The following MALT1 variants were observed in gnomAD, a reference collection of about 807,000 sequenced individuals.
The protein encoded by MALT1 is MALT1 paracaspase, also known as mucosa-associated lymphoid tissue lymphoma translocation protein 1.
Under a neutral mutation model 85.5 loss-of-function variants are expected in MALT1, and 36 were observed. That is an observed-to-expected ratio of 0.42 (90% confidence interval 0.32 to 0.56). The LOEUF (loss-of-function observed/expected upper bound fraction) is 0.56, where lower values mean the gene tolerates loss of function less well. MALT1 is among the 20% of genes least tolerant of loss of function. The pLI is 0.10. For synonymous variants in MALT1, 359 were observed against 361.3 expected (o/e 0.99, Z 0.07); for missense variants, 716 against 981.6 (o/e 0.73, Z 3.62).
intron 10 of MALT1, among the ~76,000 whole-genome samples, chr18:58,726,036 G>A (rs1228303868): frequency 6.6e-6 from 1 of 152,144 alleles, no homozygotes; most frequent in African/African-American, 2.4e-5. Context: ...ACTCCAGCCT[G>A]GGCAACAAAG....
intron 2 of MALT1, among the ~76,000 whole-genome samples, chr18:58,682,331 A>G (rs1329898204): frequency 6.6e-6 from 1 of 152,190 alleles, no homozygotes; most frequent in Admixed American, 6.5e-5. Flanking sequence ...CCCAACCCAA[A>G]TAGGCATAAT....
chr18:58,703,643 C>CA (rs1260488924), intron 4 of MALT1, among the ~76,000 whole-genome samples: 1 of 152,140 alleles, frequency 6.6e-6, no homozygotes, highest in Non-Finnish European at 1.5e-5. Context: ...TGTGAGAACT[C>CA]ACTGTCACGA....
intron 4 of MALT1, among the ~76,000 whole-genome samples, chr18:58,703,057 T>G (rs1454760997): frequency 6.6e-6 from 1 of 152,114 alleles, no homozygotes; most frequent in Non-Finnish European, 1.5e-5. Context: ...GACGTTAAGG[T>G]TGTTGAGAAA....
chr18:58,708,007 TCAC>T (rs1052656064), intron 4 of MALT1, among the ~76,000 whole-genome samples: 5 of 152,152 alleles, frequency 3.3e-5, no homozygotes, highest in Admixed American at 3.3e-4. Flanking sequence ...GCATTTTTGT[TCAC>T]CAACCCCACC....
intron 9 of MALT1, among the ~76,000 whole-genome samples, chr18:58,722,025 G>A (rs906994711): frequency 1.3e-4 from 19 of 151,972 alleles, no homozygotes; most frequent in African/African-American, 3.4e-4. Flanking sequence ...TGCTGCACAC[G>A]CCCCACTGTC....
In MALT1 at chr18:58,688,823, G is replaced by T. The variant is rs138965396; in HGVS notation, c.376+7487G>T. Among the ~76,000 whole-genome samples the T allele has an allele frequency of 8.8e-4, 134 of 152,190 alleles. 1 individual carries two copies. The highest frequency in any genetic ancestry group is 3.1e-3 in the African/African-American group (129 of 41,522). On this transcript the variant is annotated intron_variant, in intron 2 of 16. Transcript: ENST00000649217. ...TTCTCAGTAAGGTAGGCTCACTGTG[G>T]CAGAAAGCGGGATTACCGTGGGAGA...
At chr18:58,699,240 AAGG>A (rs774064261) in intron 3 of MALT1, among the ~76,000 whole-genome samples, 239 of 152,356 alleles carry the variant, frequency 1.6e-3, no homozygotes, top group Admixed American at 3.9e-3. Flanking sequence ...TTGGCAGAAA[AAGG>A]AGGTAATTTC....
rs756050515 is a variant in MALT1 at position 58,700,528 on chromosome 18, T to C, written c.586T>C (p.Phe196Leu). ...GFYVCRVNNN[F>L]TFEFSQWSQL... ...TTATGTCTGTCGAGTTAATAACAAT[T>C]TCACCTTTGAATTCAGCCAGTGGTC... Residue 196 changes from phenylalanine to leucine, a missense_variant, in exon 4 of 17, where the codon TTC becomes CTC. Coordinates refer to ENST00000649217, the MANE Select transcript of MALT1 (RefSeq NM_006785.4). 5 of 1,613,450 alleles carry C rather than the reference T, an allele frequency of 3.1e-6. No homozygotes were observed. Among genetic ancestry groups the C allele is most frequent in the Admixed American group, 3.3e-5 (2 of 59,832 alleles).
At chr18:58,696,335 T>TG in intron 2 of MALT1, 31 bp from the exon 3 acceptor site, 1 of 1,345,636 alleles carries the variant, frequency 7.4e-7, no homozygotes, top group Non-Finnish European at 9.7e-7. Context: ...CTTGTGACTT[T>TG]AATTTTTTTT....
rs1432663082 is a variant in MALT1, at chr18:58,747,595, C to T, written c.2228C>T (p.Thr743Ile). The change falls in exon 17 of 17, where the codon ACC becomes ATC. Residue 743 changes from threonine to isoleucine, a missense_variant. Thr to Ile is a moderately conservative substitution (Grantham distance 89). Transcript: ENST00000649217. ...SNGPYQSSAATSGGAGHYHSL... is the reference protein window; with the variant it reads ...SNGPYQSSAAISGGAGHYHSL... Reference sequence around the variant, plus strand: ...GGTCCTTACCAGAGTTCTGCAGCCACCTCAGGAGGAGCAGGGCATTATCAC... The same window carrying T: ...GGTCCTTACCAGAGTTCTGCAGCCATCTCAGGAGGAGCAGGGCATTATCAC... 6.2e-7 allele frequency: 1 copy of T among 1,614,066 alleles called. No individual in the cohort carries two copies. The highest frequency in any genetic ancestry group is 8.5e-7 in the Non-Finnish European group (1 of 1,180,028).
intron 10 of MALT1, among the ~76,000 whole-genome samples, chr18:58,727,817 G>A (rs1259783945): frequency 6.6e-6 from 1 of 152,060 alleles, no homozygotes; most frequent in African/African-American, 2.4e-5. Flanking sequence ...TTTTGGTTCT[G>A]TCACTTACTA....
chr18:58,738,949 T>C (rs956764709), intron 13 of MALT1, among the ~76,000 whole-genome samples: 1 of 152,244 alleles, frequency 6.6e-6, no homozygotes, highest in Admixed American at 6.5e-5. Flanking sequence ...TGCTAATGTC[T>C]TCACATTTAG....
chr18:58,727,774 A>T (rs189364306), intron 10 of MALT1, among the ~76,000 whole-genome samples: 25 of 152,260 alleles, frequency 1.6e-4, no homozygotes, highest in African/African-American at 6.0e-4. Flanking sequence ...ACAGTATCAT[A>T]TAGCACAGTA....
chr18:58,700,845 G>A (rs1180336819), intron 4 of MALT1, among the ~76,000 whole-genome samples: 1 of 151,896 alleles, frequency 6.6e-6, no homozygotes, highest in Non-Finnish European at 1.5e-5. Flanking sequence ...GGAGTGCAGT[G>A]GTGCCATCTG....
At chr18:58,745,233 G>A (rs2055350196) in intron 15 of MALT1, among the ~76,000 whole-genome samples, 1 of 152,050 alleles carries the variant, frequency 6.6e-6, no homozygotes, top group Admixed American at 6.6e-5. Flanking sequence ...CCATTGGGTT[G>A]GCTCTAAAAG....
intron 8 of MALT1, 104 bp from the exon 9 acceptor site, chr18:58,715,831 A>G (rs554408367): frequency 1.4e-5 from 11 of 789,868 alleles, no homozygotes; most frequent in Non-Finnish European, 2.2e-5. Flanking sequence ...AGTAGAAACT[A>G]TATTCTGTAA....
chr18:58,711,837 G>A (rs182161124), intron 7 of MALT1, among the ~76,000 whole-genome samples: 4 of 152,170 alleles, frequency 2.6e-5, no homozygotes, highest in Non-Finnish European at 5.9e-5. Flanking sequence ...ATCCTAATAT[G>A]TAGTTGCAAA....
chr18:58,710,670 T>A (rs1032928480), intron 6 of MALT1, among the ~76,000 whole-genome samples: 1 of 152,172 alleles, frequency 6.6e-6, no homozygotes, highest in African/African-American at 2.4e-5. Context: ...AAAACATTTT[T>A]AAAAACAAAC....
chr18:58,736,864 T>C (rs1485854127), intron 13 of MALT1, among the ~76,000 whole-genome samples: 1 of 152,236 alleles, frequency 6.6e-6, no homozygotes, highest in Non-Finnish European at 1.5e-5. Flanking sequence ...AAAGGCCTAA[T>C]AGTATCATGA....
Sources: gnomAD v4.1 joint callset for allele counts (sites outside exome capture counted in the v4.1 genomes callset) on GRCh38, gnomAD v4.1.1 for gene constraint, MANE v1.5 for transcripts, NCBI Gene and HGNC (gene_info 2026-07-23, HGNC 2026-07-21) for gene names.